The following MREG variants were observed in gnomAD, a reference collection of about 807,000 sequenced individuals.
MREG encodes the protein melanoregulin, also known as dilute suppressor protein homolog.
Under a neutral mutation model 28.5 loss-of-function variants are expected in MREG, and 31 were observed. The ratio of observed to expected loss-of-function variants is 1.09; its 90% confidence interval spans 0.82 to 1.47. The LOEUF is 1.47. MREG is among the 40% of genes most tolerant of loss of function. The probability of loss-of-function intolerance (pLI) is 0.00; values close to 1 mark genes in which losing one functional copy is unlikely to be tolerated. For missense variants in MREG, 256 were observed against 257.4 expected (o/e 0.99, Z 0.04); for synonymous variants, 106 against 95.2 (o/e 1.11, Z -0.66).
Position 216,003,238 on chromosome 2 carries a change from G to A in MREG, c.96-6773C>T, listed in dbSNP as rs79187309. Among the ~76,000 whole-genome samples the A allele has an allele frequency of 8.1e-3, 1,227 of 152,184 alleles. 12 individuals are homozygous for A. The highest frequency in any genetic ancestry group is 0.028 in the African/African-American group (1,149 of 41,516). Reference sequence around the variant, plus strand: ...AGCCCCAGAGATGTGACCTGCCTCAGTGTGAAGGAAGAAAAGCCCTGGGCA... The same window carrying A: ...AGCCCCAGAGATGTGACCTGCCTCAATGTGAAGGAAGAAAAGCCCTGGGCA... On this transcript the variant is annotated intron_variant, in intron 1 of 4. Transcript: ENST00000263268.
intron 1 of MREG, among the ~76,000 whole-genome samples, chr2:216,031,596 GAAGGA>G (rs1420446532): frequency 2.3e-4 from 20 of 88,464 alleles, no homozygotes; most frequent in Middle Eastern, 5.0e-3. Context: ...GGAAAGAAAA[GAAGGA>G]AAGAAGGAAG....
At chr2:215,995,028 G>A (rs1693830755) in intron 2 of MREG, among the ~76,000 whole-genome samples, 1 of 152,186 alleles carries the variant, frequency 6.6e-6, no homozygotes, top group Non-Finnish European at 1.5e-5. Flanking sequence ...ATGTAATACA[G>A]GAGTGTAAGA....
At chr2:216,014,116 T>G (rs1694389114), upstream of MREG, among the ~76,000 whole-genome samples, 1 of 152,108 alleles carries the variant, frequency 6.6e-6, no homozygotes, top group Admixed American at 6.6e-5. Flanking sequence ...AGCGGCATAC[T>G]CCACACATTT....
At chr2:215,998,978 A>G (rs553171683) in intron 1 of MREG, among the ~76,000 whole-genome samples, 5 of 152,352 alleles carry the variant, frequency 3.3e-5, no homozygotes, top group Admixed American at 3.3e-4. Flanking sequence ...ATGTATGATG[A>G]GAAGGAAGTT....
At position 215,944,655 on chromosome 2, in the gene MREG, T is replaced by C. The variant is rs2105963900; in HGVS notation, c.*208A>G. Reference sequence around the variant, plus strand: ...CCAACTCTTTAACTTTCTTCCTAAATATGAGATCACCAAGGCGTTTCAATG... The same window carrying C: ...CCAACTCTTTAACTTTCTTCCTAAACATGAGATCACCAAGGCGTTTCAATG... On this transcript the variant is annotated 3_prime_UTR_variant, in exon 5 of 5. Coordinates refer to ENST00000263268, the MANE Select transcript of MREG (RefSeq NM_018000.3). The C allele has an allele frequency of 2.4e-6, 1 of 419,028 alleles. No homozygotes were observed. Among genetic ancestry groups the C allele is most frequent in the East Asian group, 3.4e-5 (1 of 29,068 alleles). 26.0% of individuals were successfully genotyped at this position (419,028 alleles called of 1,614,324 possible). A position where few individuals can be genotyped will look rare whatever the true frequency, so the allele number is the denominator to read the frequency against.
At chr2:215,970,955 A>C (rs913031612) in intron 2 of MREG, among the ~76,000 whole-genome samples, 20 of 152,204 alleles carry the variant, frequency 1.3e-4, no homozygotes, top group Admixed American at 7.2e-4. Flanking sequence ...TGCAGCCATA[A>C]AAAAGAATGA....
At chr2:215,984,467 A>G (rs1319812524) in intron 2 of MREG, among the ~76,000 whole-genome samples, 1 of 143,246 alleles carries the variant, frequency 7.0e-6, no homozygotes, top group East Asian at 2.1e-4. Context: ...ATCATGAGCT[A>G]TGATTGCACC....
At chr2:216,024,527 G>T (rs1694566021) in intron 1 of MREG, among the ~76,000 whole-genome samples, 1 of 151,892 alleles carries the variant, frequency 6.6e-6, no homozygotes, top group African/African-American at 2.4e-5. Flanking sequence ...CTCAGTCCAA[G>T]GGAGAGCAGA....
At chr2:215,965,992 C>G (rs1692928033) in intron 2 of MREG, among the ~76,000 whole-genome samples, 1 of 152,138 alleles carries the variant, frequency 6.6e-6, no homozygotes, top group Admixed American at 6.6e-5. Flanking sequence ...ATTGCAATAC[C>G]CAAAATCTTT....
At chr2:215,954,752 G>A (rs1226383662) in intron 2 of MREG, among the ~76,000 whole-genome samples, 1 of 151,368 alleles carries the variant, frequency 6.6e-6, no homozygotes, top group Admixed American at 6.6e-5. Context: ...TGCCCAGGCT[G>A]GGGTGCAATG....
chr2:216,019,376 T>C (rs566086637), intron 1 of MREG, among the ~76,000 whole-genome samples: 95 of 152,276 alleles, frequency 6.2e-4, no homozygotes, highest in African/African-American at 2.2e-3. Flanking sequence ...TTTAGTCAGG[T>C]GAGATTTTTA....
chr2:215,953,596 A>C (rs1466267351), intron 2 of MREG, among the ~76,000 whole-genome samples: 1 of 152,246 alleles, frequency 6.6e-6, no homozygotes, highest in Non-Finnish European at 1.5e-5. Flanking sequence ...AAATGCTCTC[A>C]TCACTTTGAC....
intron 2 of MREG, among the ~76,000 whole-genome samples, chr2:215,984,391 T>C (rs1467485603): frequency 1.3e-5 from 2 of 151,950 alleles, no homozygotes; most frequent in African/African-American, 4.8e-5. Context: ...CAATGGCTCA[T>C]GCCTGCAATC....
intron 2 of MREG, among the ~76,000 whole-genome samples, chr2:215,958,269 A>AAAATAAATAAAT (rs536690921): frequency 6.7e-6 from 1 of 150,212 alleles, no homozygotes; most frequent in African/African-American, 2.4e-5. Flanking sequence ...TAATAAAATA[A>AAAATAAATAAAT]AAATAAATAA....
chr2:215,946,237 TA>T (rs112515028), intron 3 of MREG, among the ~76,000 whole-genome samples: 542 of 139,634 alleles, frequency 3.9e-3, no homozygotes, highest in African/African-American at 5.0e-3. Flanking sequence ...TTTCATTGTT[TA>T]AAAAAAAAAA....
intron 2 of MREG, among the ~76,000 whole-genome samples, chr2:215,956,873 T>G (rs4674043): frequency 0.23 from 35,747 of 152,162 alleles, 4,357 homozygotes; most frequent in East Asian, 0.45. Context: ...GTATAAAGTA[T>G]AGAAATTATA....
At chr2:215,980,747 A>C (rs1430573943) in intron 2 of MREG, among the ~76,000 whole-genome samples, 1 of 151,612 alleles carries the variant, frequency 6.6e-6, no homozygotes, top group East Asian at 1.9e-4. Context: ...AGGAGGTGGA[A>C]GTTGCAGTGA....
chr2:216,025,348 T>G (rs1041915014), intron 1 of MREG, among the ~76,000 whole-genome samples: 35 of 152,316 alleles, frequency 2.3e-4, no homozygotes, highest in African/African-American at 7.7e-4. Context: ...CTTCTCAACT[T>G]AGAGGAGGTG....
intron 2 of MREG, among the ~76,000 whole-genome samples, chr2:215,948,233 T>TA (rs1236734537): frequency 2.0e-5 from 3 of 152,236 alleles, no homozygotes; most frequent in African/African-American, 7.2e-5. Flanking sequence ...CAAATGTTTA[T>TA]AGATACCACT....
Sources: allele counts gnomAD v4.1 joint callset (sites outside exome capture counted in the v4.1 genomes callset), GRCh38; gene constraint gnomAD v4.1.1; transcripts MANE v1.5; gene names NCBI Gene and HGNC (gene_info 2026-07-23, HGNC 2026-07-21).